Variants in ELMO1 observed in about 807,000 individuals in gnomAD.
The protein encoded by ELMO1 is engulfment and cell motility protein 1.
In ELMO1, 26 loss-of-function variants were observed where a neutral mutation model predicts 98.9. The observed-to-expected ratio is 0.26, with a 90% CI of 0.19 to 0.36. The LOEUF (loss-of-function observed/expected upper bound fraction) is 0.36. Among genes scored for constraint, ELMO1 ranks in the 10% least tolerant of loss-of-function variants. The pLI is 1.00. For synonymous variants in ELMO1, 346 were observed against 346.0 expected, an observed-to-expected ratio of 1.00 and a Z score of 0.00; for missense variants, 627 against 935.2, an observed-to-expected ratio of 0.67 and a Z score of 4.30.
intron 14 of ELMO1, among the ~76,000 whole-genome samples, chr7:37,103,865 A>T (rs1784786746): frequency 6.7e-6 from 1 of 149,746 alleles, no homozygotes. Context: ...TTAGCCGGGC[A>T]TGGTGGCGGG....
intron 12 of ELMO1, 60 bp from the exon 13 acceptor site, chr7:37,211,577 C>T (rs1584815223): frequency 1.3e-6 from 2 of 1,586,088 alleles, no homozygotes; most frequent in Admixed American, 1.7e-5. Context: ...CATTGTGTGA[C>T]ATTACATATA....
intron 19 of ELMO1, among the ~76,000 whole-genome samples, chr7:36,876,384 ATTTTT>A (rs1027304179): frequency 1.4e-5 from 2 of 142,590 alleles, no homozygotes; most frequent in African/African-American, 5.2e-5. Context: ...TTTAGATTTT[ATTTTT>A]TAATATCCTT....
At chr7:37,211,307 G>C in intron 13 of ELMO1, 79 bp downstream of exon 13, 2 of 1,602,424 alleles carry the variant, frequency 1.2e-6, no homozygotes, top group South Asian at 2.2e-5. Context: ...CACACGCTCG[G>C]AAGAGACATC....
At chr7:37,331,954 T>C (rs1022462665) in intron 2 of ELMO1, among the ~76,000 whole-genome samples, 1 of 152,106 alleles carries the variant, frequency 6.6e-6, no homozygotes, top group African/African-American at 2.4e-5. Context: ...AAGAGCCATG[T>C]AGATAAGCAA....
At chr7:37,133,996 G>C (rs531088104) in intron 13 of ELMO1, among the ~76,000 whole-genome samples, 155 of 152,220 alleles carry the variant, frequency 1.0e-3, no homozygotes, top group African/African-American at 3.7e-3. Flanking sequence ...CATACAAATG[G>C]ACAACAAGCA....
intron 10 of ELMO1, among the ~76,000 whole-genome samples, chr7:37,220,727 A>T (rs935640358): frequency 6.6e-6 from 1 of 152,240 alleles, no homozygotes; most frequent in East Asian, 1.9e-4. Flanking sequence ...TAAGCATTTT[A>T]CTCATGTCTA....
At chr7:37,086,909 C>T (rs1783820565) in intron 15 of ELMO1, among the ~76,000 whole-genome samples, 1 of 152,102 alleles carries the variant, frequency 6.6e-6, no homozygotes, top group South Asian at 2.1e-4. Context: ...GTGATATGAG[C>T]CTGTCCACTA....
At chr7:37,424,633 C>T (rs1804630384) in intron 1 of ELMO1, among the ~76,000 whole-genome samples, 1 of 152,184 alleles carries the variant, frequency 6.6e-6, no homozygotes, top group East Asian at 1.9e-4. Context: ...TCTGAAAATT[C>T]CAACCAATGA....
chr7:37,294,780 G>A (rs1217833462), intron 4 of ELMO1, among the ~76,000 whole-genome samples: 5 of 152,086 alleles, frequency 3.3e-5, no homozygotes, highest in East Asian at 1.9e-4. Flanking sequence ...CAGGTGGATC[G>A]CCTGAGGTCA....
chr7:36,988,467 C>T (rs1791659535), intron 16 of ELMO1, among the ~76,000 whole-genome samples: 1 of 152,170 alleles, frequency 6.6e-6, no homozygotes, highest in Non-Finnish European at 1.5e-5. Context: ...GCTAGTGATA[C>T]AACAAACTGA....
chr7:37,060,166 G>C (rs1393071836), intron 15 of ELMO1, among the ~76,000 whole-genome samples: 1 of 152,188 alleles, frequency 6.6e-6, no homozygotes, highest in Non-Finnish European at 1.5e-5. Flanking sequence ...GAACCAGCAA[G>C]AGGCAAAGTG....
intron 5 of ELMO1, among the ~76,000 whole-genome samples, chr7:37,267,036 TATACACACACAC>T (rs1362915383): frequency 7.4e-4 from 20 of 26,928 alleles, no homozygotes; most frequent in African/African-American, 2.8e-3. Context: ...AATATGTATA[TATACACACACAC>T]ACACACACAC....
At position 36,986,102 on chromosome 7, in the gene ELMO1, G is replaced by A. The variant is rs983661553; in HGVS notation, c.1437+27197C>T. The A allele has an allele frequency of 2.0e-5, 20 of 990,630 alleles. No individual in the cohort carries two copies. The African/African-American group carries it at 2.6e-4, about 13-fold the overall frequency. 61.4% of individuals were successfully genotyped at this position (990,630 alleles called of 1,614,324 possible). On this transcript the variant is annotated intron_variant, in intron 16 of 21. Transcript: ENST00000310758. The stretch of plus-strand genomic sequence containing the variant: ...TGAGCCATGTGAACAGAGACCCGCC[G>A]CACACCTTTAAATGGTATACACTCC...
At chr7:37,341,776 G>A (rs967377298) in intron 2 of ELMO1, among the ~76,000 whole-genome samples, 3 of 152,186 alleles carry the variant, frequency 2.0e-5, no homozygotes, top group Admixed American at 2.0e-4. Context: ...CATGGTTATT[G>A]TAATTTTGAA....
intron 1 of ELMO1, among the ~76,000 whole-genome samples, chr7:37,356,556 G>A (rs1801504246): frequency 6.6e-6 from 1 of 152,114 alleles, no homozygotes; most frequent in East Asian, 1.9e-4. Flanking sequence ...TCACTCATAA[G>A]TGGGAGTTGA....
intron 1 of ELMO1, among the ~76,000 whole-genome samples, chr7:37,405,889 A>AT (rs1803737301): frequency 3.3e-5 from 5 of 152,176 alleles, no homozygotes; most frequent in African/African-American, 1.2e-4. Flanking sequence ...GCCTCAAGAG[A>AT]GCTGACCACG....
In ELMO1 at chr7:37,421,287, C is replaced by T. The variant is rs1010458202; in HGVS notation, c.-74+27388G>A. Among the ~76,000 whole-genome samples the T allele has an allele frequency of 2.6e-5, 4 of 152,352 alleles. No homozygotes were observed. In the East Asian group the frequency reaches 7.7e-4, roughly 29 times the overall value. ...ATATGCCAAGTTTCCTCTCAAATAG[C>T]TTTCCCCCGTTTTCTTATTTCATCC... On this transcript the variant is annotated intron_variant, in intron 1 of 21. Transcript: ENST00000310758.
intron 16 of ELMO1, among the ~76,000 whole-genome samples, chr7:36,971,841 T>A (rs1253821509): frequency 6.6e-6 from 1 of 152,136 alleles, no homozygotes; most frequent in African/African-American, 2.4e-5. Context: ...ATGCTAGCTA[T>A]TCTCAAATAT....
At chr7:37,400,317 C>T (rs1277214975) in intron 1 of ELMO1, among the ~76,000 whole-genome samples, 2 of 152,174 alleles carry the variant, frequency 1.3e-5, no homozygotes, top group South Asian at 4.1e-4. Flanking sequence ...CATCGGTACA[C>T]TGTCCATAGA....
Sources: allele counts gnomAD v4.1 joint callset (sites outside exome capture counted in the v4.1 genomes callset), GRCh38; gene constraint gnomAD v4.1.1; transcripts MANE v1.5; gene names NCBI Gene and HGNC (gene_info 2026-07-23, HGNC 2026-07-21).